FNDC3B: variants seen among roughly 807,000 people sequenced by gnomAD.
FNDC3B encodes the protein fibronectin type III domain containing 3B.
Under a neutral mutation model 151.5 loss-of-function variants are expected in FNDC3B, and 12 were observed. The ratio of observed to expected loss-of-function variants is 0.08; its 90% CI spans 0.05 to 0.13. FNDC3B has a LOEUF of 0.13. Ranked by LOEUF, FNDC3B falls within the 10% of genes least tolerant of loss-of-function variation. FNDC3B has a pLI of 1.00. For synonymous variants in FNDC3B, 528 were observed against 549.0 expected (o/e 0.96, Z 0.54); for missense variants, 1,214 against 1,505.3 (o/e 0.81, Z 3.20).
At chr3:172,239,012 A>G (rs1727320397) in intron 4 of FNDC3B, among the ~76,000 whole-genome samples, 1 of 152,126 alleles carries the variant, frequency 6.6e-6, no homozygotes, top group South Asian at 2.1e-4. Context: ...ACGTGCTAAT[A>G]TTCTTGGCAG....
rs1377668600 is a variant in FNDC3B at position 172,328,995 on chromosome 3, A to G, written c.1298A>G (p.Gln433Arg). 7 of 1,613,772 alleles carry G rather than the reference A, an allele frequency of 4.3e-6. No homozygotes were observed. Among genetic ancestry groups the G allele is most frequent in the Non-Finnish European group, 5.9e-6 (7 of 1,179,838 alleles). The change falls in exon 12 of 26, where the codon CAG becomes CGG. Residue 433 changes from glutamine (Q) to arginine (R), a missense_variant. By Grantham distance (43) the Gln-to-Arg change is conservative. This residue lies in a region of FNDC3B where 156 missense variants were observed against 225.3 expected (regional missense o/e 0.69). Transcript: ENST00000415807. ...TTCAGACAGTGCTTCTTCGGGAGCC[A>G]GAAGCACTGCAAGTTGACAAAGCTT... ...SGFRQCFFGS[Q>R]KHCKLTKLCP...
At chr3:172,349,921 G>A (rs141467115) in intron 21 of FNDC3B, among the ~76,000 whole-genome samples, 483 of 152,272 alleles carry the variant, frequency 3.2e-3, no homozygotes, top group African/African-American at 0.011. Context: ...CTCGCAAAGT[G>A]CTGGGATTCC....
intron 23 of FNDC3B, among the ~76,000 whole-genome samples, chr3:172,372,084 T>TA (rs1734907098): frequency 6.6e-6 from 1 of 152,314 alleles, no homozygotes; most frequent in African/African-American, 2.4e-5. Context: ...GGAAACAACT[T>TA]ACCTGGTTAT....
chr3:172,388,815 A>G (rs781665408), intron 25 of FNDC3B, among the ~76,000 whole-genome samples: 13 of 152,220 alleles, frequency 8.5e-5, no homozygotes, highest in Non-Finnish European at 1.5e-4. Context: ...CTGGAGTGTT[A>G]CACATGATTT....
chr3:172,227,572 G>C (rs1187857322), intron 4 of FNDC3B, among the ~76,000 whole-genome samples: 2 of 152,170 alleles, frequency 1.3e-5, no homozygotes, highest in Non-Finnish European at 2.9e-5. Flanking sequence ...AAAATGTTCT[G>C]CATGGCTGGA....
intron 1 of FNDC3B, among the ~76,000 whole-genome samples, chr3:172,111,724 G>A (rs1207137023): frequency 6.6e-6 from 1 of 152,064 alleles, no homozygotes; most frequent in Admixed American, 6.5e-5. Context: ...AGACATATTT[G>A]AGGCAGTTAT....
intron 3 of FNDC3B, among the ~76,000 whole-genome samples, chr3:172,188,690 C>CCA (rs1724335064): frequency 6.6e-6 from 1 of 152,150 alleles, no homozygotes; most frequent in Admixed American, 6.5e-5. Context: ...CAGGTGTGAG[C>CCA]CACGGCTCCC....
Position 172,341,100 on chromosome 3 carries a change from T to C in FNDC3B, c.1853-13T>C, listed in dbSNP as rs1733291635. On this transcript the variant is annotated splice_polypyrimidine_tract_variant and intron_variant, in intron 16 of 25. Coordinates refer to ENST00000415807, the MANE Select transcript of FNDC3B (RefSeq NM_022763.4). ...CAAGAGGCATAAAGTCATGCATAAGTCTTGTTTTACAGCGAATCAGTGGGA... is the reference window on the plus strand; with the variant it reads ...CAAGAGGCATAAAGTCATGCATAAGCCTTGTTTTACAGCGAATCAGTGGGA... 6.3e-7 allele frequency: 1 copy of C among 1,575,150 alleles called. No individual in the cohort carries two copies. Among genetic ancestry groups the C allele is most frequent in the East Asian group, 2.2e-5 (1 of 44,744 alleles).
chr3:172,356,224 C>T (rs1734089083), intron 22 of FNDC3B, among the ~76,000 whole-genome samples: 1 of 152,114 alleles, frequency 6.6e-6, no homozygotes, highest in South Asian at 2.1e-4. Context: ...TGGTAGCAGA[C>T]GAGTCAGACA....
At chr3:172,380,183 A>G (rs1735365681) in intron 24 of FNDC3B, among the ~76,000 whole-genome samples, 1 of 152,048 alleles carries the variant, frequency 6.6e-6, no homozygotes. Context: ...GGATTAAAGT[A>G]TAAGGGGGTT....
intron 23 of FNDC3B, among the ~76,000 whole-genome samples, chr3:172,363,737 T>C (rs1576948146): frequency 6.6e-6 from 1 of 152,160 alleles, no homozygotes; most frequent in East Asian, 1.9e-4. Context: ...CCTGTCCCAG[T>C]CTCCACCCCC....
chr3:172,212,087 C>T (rs1004379660), intron 3 of FNDC3B, among the ~76,000 whole-genome samples: 3 of 152,106 alleles, frequency 2.0e-5, no homozygotes, highest in Admixed American at 2.0e-4. Context: ...TATATAAAAT[C>T]CTGTGATCAT....
Position 172,295,518 on chromosome 3 carries a change from G to A in FNDC3B, c.1001+4G>A, listed in dbSNP as rs910255195. 6.2e-7 allele frequency: 1 copy of A among 1,611,610 alleles called. No homozygotes were observed. The highest frequency in any genetic ancestry group is 1.3e-5 in the African/African-American group (1 of 74,944). ...GAAAATACAAGATAATTTACAGGTT[G>A]TGTATGTTTCTATTGTTTTTCTTTG... On this transcript the variant is annotated splice_donor_region_variant and intron_variant, in intron 8 of 25. Coordinates refer to ENST00000415807, the MANE Select transcript of FNDC3B (RefSeq NM_022763.4).
chr3:172,182,336 A>C (rs1223859007), intron 3 of FNDC3B, among the ~76,000 whole-genome samples: 1 of 152,166 alleles, frequency 6.6e-6, no homozygotes, highest in Non-Finnish European at 1.5e-5. Context: ...TAGCAGCTGG[A>C]GAGCCAGGGC....
intron 4 of FNDC3B, among the ~76,000 whole-genome samples, chr3:172,241,015 C>G (rs1201905731): frequency 6.6e-6 from 1 of 152,082 alleles, no homozygotes; most frequent in Non-Finnish European, 1.5e-5. Context: ...GTGTACTAAG[C>G]TGGATAAAAC....
intron 1 of FNDC3B, among the ~76,000 whole-genome samples, chr3:172,065,081 C>G (rs547616336): frequency 1.3e-5 from 2 of 152,278 alleles, no homozygotes; most frequent in East Asian, 3.9e-4. Flanking sequence ...CGCCTGTAAT[C>G]CCAGCACTTT....
chr3:172,273,041 C>G (rs764915862), intron 6 of FNDC3B, among the ~76,000 whole-genome samples: 1 of 152,118 alleles, frequency 6.6e-6, no homozygotes, highest in African/African-American at 2.4e-5. Context: ...CAAGTACGAT[C>G]GTTTAATTGT....
chr3:172,108,722 C>T (rs1719805304), intron 1 of FNDC3B, among the ~76,000 whole-genome samples: 1 of 152,254 alleles, frequency 6.6e-6, no homozygotes, highest in African/African-American at 2.4e-5. Context: ...GAATCTGTGA[C>T]TTTCTACTGG....
intron 1 of FNDC3B, among the ~76,000 whole-genome samples, chr3:172,058,319 T>C (rs889949049): frequency 1.3e-5 from 2 of 152,188 alleles, no homozygotes; most frequent in Non-Finnish European, 2.9e-5. Flanking sequence ...ATTATTAGTG[T>C]TACAGAGGAA....
Sources: gnomAD v4.1 joint callset for allele counts (sites outside exome capture counted in the v4.1 genomes callset) on GRCh38, gnomAD v4.1.1 for gene constraint, gnomAD v4.1.1 regional missense constraint, MANE v1.5 for transcripts, NCBI Gene and HGNC (gene_info 2026-07-23, HGNC 2026-07-21) for gene names.